FER1L6: variants seen among roughly 807,000 people sequenced by gnomAD.
FER1L6 encodes the protein fer-1-like protein 6.
In FER1L6, 177 loss-of-function variants were observed where a neutral mutation model predicts 219.2. The observed-to-expected ratio is 0.81, with a 90% CI of 0.71 to 0.91. The LOEUF (loss-of-function observed/expected upper bound fraction) is 0.91, where lower values mean the gene tolerates loss of function less well. FER1L6 is among the 40% of genes least tolerant of loss of function. The probability of loss-of-function intolerance (pLI) is 0.00; values close to 1 mark genes in which losing one functional copy is unlikely to be tolerated. For missense variants in FER1L6, 2,153 were observed against 2,259.9 expected (o/e 0.95, Z 0.96); for synonymous variants, 768 against 824.3 (o/e 0.93, Z 1.17).
At chr8:123,856,850 A>AC (rs1351638461) in intron 1 of FER1L6, among the ~76,000 whole-genome samples, 1 of 152,030 alleles carries the variant, frequency 6.6e-6, no homozygotes, top group African/African-American at 2.4e-5. Context: ...AAAATGTCCC[A>AC]CTATTGCGGT....
chr8:124,064,369 C>G lies in FER1L6; in HGVS notation c.3351C>G (p.Ala1117=), dbSNP rs766738901. The stretch of plus-strand genomic sequence containing the variant: ...CAGATATTTCAGATTCGCTAACAGC[C>G]ACTGAGTCCTCTGGAGCCCACAGCT... ...PGHDISDSLT[A]TESSGAHSSS... The change falls in exon 26 of 41, where the codon GCC becomes GCG. Residue 1117 remains alanine, a synonymous_variant. Transcript: ENST00000522917. 69 of 1,612,632 alleles carry G rather than the reference C, an allele frequency of 4.3e-5. No individual in the cohort carries two copies. The highest frequency in any genetic ancestry group is 5.7e-5 in the Non-Finnish European group (67 of 1,179,610).
chr8:123,925,412 T>A (rs1391038735), intron 1 of FER1L6, among the ~76,000 whole-genome samples: 1 of 152,170 alleles, frequency 6.6e-6, no homozygotes, highest in Admixed American at 6.5e-5. Context: ...GAGCTGGAAG[T>A]TACAGCATCA....
intron 1 of FER1L6, among the ~76,000 whole-genome samples, chr8:123,944,613 A>G (rs1025969096): frequency 1.3e-5 from 2 of 152,176 alleles, no homozygotes; most frequent in African/African-American, 2.4e-5. Flanking sequence ...TTAGCACTCT[A>G]TGAGGTAGGT....
rs200754264 is a variant in FER1L6 at position 124,021,623 on chromosome 8, A to C, written c.2087A>C (p.His696Pro). Residue 696 changes from histidine to proline, a missense_variant, in exon 17 of 41, where the codon CAC (histidine) becomes CCC (proline). Transcript: ENST00000522917. ...KKKLSVDEMIHEAQNFVEKIR... is the reference protein window; with the variant it reads ...KKKLSVDEMIPEAQNFVEKIR... ...AAGTTATCTGTTGATGAAATGATTC[A>C]CGAAGCCCAAAACTTTGTGGAAAAA... 171 of 1,614,216 alleles carry C rather than the reference A, an allele frequency of 1.1e-4. No homozygotes were observed. In the African/African-American group the frequency reaches 1.3e-3, roughly 12 times the overall value.
intron 1 of FER1L6, among the ~76,000 whole-genome samples, chr8:123,911,304 G>A (rs1408744958): frequency 6.6e-6 from 1 of 152,048 alleles, no homozygotes; most frequent in Non-Finnish European, 1.5e-5. Context: ...AAATGTTTTT[G>A]GGCCTTAACA....
At chr8:124,049,298 G>T (rs899804643) in intron 21 of FER1L6, among the ~76,000 whole-genome samples, 1 of 152,014 alleles carries the variant, frequency 6.6e-6, no homozygotes, top group Non-Finnish European at 1.5e-5. Context: ...CACCTGCCAC[G>T]GCCTTCTAAA....
In FER1L6 at chr8:124,101,232, C is replaced by T. The variant is rs1586341022; in HGVS notation, c.5019C>T (p.Thr1673=). The part of the protein sequence containing the change: ...YLPAEKQMVI[T]KRENIFSLEK... ...CAGCTGAGAAGCAAATGGTCATTAC[C>T]AAGAGGGAGAACATCTTCTCTTTAG... The change falls in exon 38 of 41, where the codon ACC becomes ACT. Residue 1673 remains threonine (T), a synonymous_variant. Coordinates refer to ENST00000522917, the MANE Select transcript of FER1L6 (RefSeq NM_001039112.2). The T allele has an allele frequency of 6.2e-7, 1 of 1,613,740 alleles. No homozygotes were observed. Among genetic ancestry groups the T allele is most frequent in the Non-Finnish European group, 8.5e-7 (1 of 1,179,946 alleles).
intron 1 of FER1L6, among the ~76,000 whole-genome samples, chr8:123,876,401 C>G (rs1181824342): frequency 2.0e-5 from 3 of 152,116 alleles, no homozygotes; most frequent in African/African-American, 7.2e-5. Flanking sequence ...TCACTGCAGC[C>G]TTGACCTCCT....
intron 13 of FER1L6, chr8:124,004,048 A>T (rs1006276486): frequency 6.9e-6 from 1 of 144,264 alleles, no homozygotes; most frequent in African/African-American, 2.5e-5. Context: ...ATTCAATTTG[A>T]TGGGATTATT....
chr8:124,062,538 A>C (rs1200110497), intron 25 of FER1L6, among the ~76,000 whole-genome samples: 1 of 152,234 alleles, frequency 6.6e-6, no homozygotes, highest in Non-Finnish European at 1.5e-5. Flanking sequence ...ATATGATGCT[A>C]TAATTTTCAT....
rs1554613213 is a variant in FER1L6 at position 123,898,825 on chromosome 8, A to ATATATATACATACATATGTG, written c.-8+46648_-8+46649insCATACATATGTGTATATATA. On this transcript the variant is annotated intron_variant, in intron 1 of 40. Coordinates refer to ENST00000522917, the MANE Select transcript of FER1L6 (RefSeq NM_001039112.2). ...TATACACATATATATACATATGTGT[A>ATATATATACATACATATGTG]TATATATATATACATACATATATAC... Among the ~76,000 whole-genome samples the ATATATATACATACATATGTG allele has an allele frequency of 1.3e-4, 17 of 130,026 alleles. 1 individual carries two copies. The highest frequency in any genetic ancestry group is 7.1e-4 in the Admixed American group (9 of 12,734). The allele number at this position is 130,026 out of a possible 152,430, so 85.3% of individuals were successfully genotyped here.
chr8:123,949,561 A>G (rs987870675), intron 1 of FER1L6, among the ~76,000 whole-genome samples: 2 of 152,216 alleles, frequency 1.3e-5, no homozygotes, highest in Non-Finnish European at 2.9e-5. Flanking sequence ...TACTACCTCA[A>G]TTGCTGGTGA....
chr8:123,900,366 C>A (rs180974204), intron 1 of FER1L6, among the ~76,000 whole-genome samples: 4 of 152,222 alleles, frequency 2.6e-5, no homozygotes, highest in Non-Finnish European at 5.9e-5. Context: ...CTGCTGAATT[C>A]TTTGATCAGT....
chr8:123,941,689 ATAAACT>A (rs958041238), intron 1 of FER1L6, among the ~76,000 whole-genome samples: 15 of 152,314 alleles, frequency 9.8e-5, no homozygotes, highest in East Asian at 3.9e-4. Flanking sequence ...AAAAGGAGAA[ATAAACT>A]TAAATTCTGG....
intron 19 of FER1L6, among the ~76,000 whole-genome samples, chr8:124,037,000 G>A (rs1819245498): frequency 6.6e-6 from 1 of 152,200 alleles, no homozygotes; most frequent in African/African-American, 2.4e-5. Flanking sequence ...GCCCTCAAGT[G>A]GGGATAACAG....
chr8:123,905,251 G>C (rs1337788591), intron 1 of FER1L6, among the ~76,000 whole-genome samples: 1 of 152,022 alleles, frequency 6.6e-6, no homozygotes, highest in Non-Finnish European at 1.5e-5. Context: ...CAACACCCCT[G>C]GCAGGCCACA....
chr8:123,925,773 T>A (rs1813541985), intron 1 of FER1L6: 1 of 152,374 alleles, frequency 6.6e-6, no homozygotes, highest in South Asian at 2.1e-4. Flanking sequence ...TCCAGACACA[T>A]TTGAGTGGTC....
chr8:124,106,955 T>C (rs1256180365), intron 39 of FER1L6, among the ~76,000 whole-genome samples: 32 of 149,388 alleles, frequency 2.1e-4, no homozygotes, highest in Middle Eastern at 6.8e-3. Context: ...TTTTTTTTTT[T>C]TTTTTTTTTT....
chr8:124,059,996 A>G (rs993347561), intron 22 of FER1L6, among the ~76,000 whole-genome samples, 184 bp from the exon 23 acceptor site: 15 of 152,210 alleles, frequency 9.9e-5, no homozygotes, highest in African/African-American at 3.4e-4. Context: ...ACCCTTGTAA[A>G]TGACTGCATT....
Sources: allele counts gnomAD v4.1 joint callset (sites outside exome capture counted in the v4.1 genomes callset), GRCh38; gene constraint gnomAD v4.1.1; transcripts MANE v1.5; gene names NCBI Gene and HGNC (gene_info 2026-07-23, HGNC 2026-07-21).